PLEKHG5: variants seen among roughly 807,000 people sequenced by gnomAD.
PLEKHG5 encodes pleckstrin homology domain-containing family G member 5.
In PLEKHG5, 52 loss-of-function variants were observed where a neutral mutation model predicts 103.8. That is an observed-to-expected ratio of 0.50 (90% CI 0.40 to 0.63). The LOEUF (loss-of-function observed/expected upper bound fraction) is 0.63. Among genes scored for constraint, PLEKHG5 ranks in the 30% least tolerant of loss-of-function variants. The pLI is 0.00. For missense variants in PLEKHG5, 1,205 were observed against 1,347.6 expected (o/e 0.89, Z 1.66); for synonymous variants, 592 against 575.5 (o/e 1.03, Z -0.41).
rs540968169 is a variant in PLEKHG5 at position 6,490,105 on chromosome 1, G to A, written c.-88+1532C>T. 1.3e-5 allele frequency among the ~76,000 whole-genome samples: 2 copies of A among 152,134 alleles called. No homozygotes were observed. Among genetic ancestry groups the A allele is most frequent in the Non-Finnish European group, 2.9e-5 (2 of 68,012 alleles). ...CCGACTCCGGGACTGGCCAGATGGG[G>A]AGGATCGGCTGAGCCTCCCAGCCAC... On this transcript the variant is annotated intron_variant, in intron 1 of 20. Transcript: ENST00000377728. This position sits in a 1 kb window ranked among gnomAD's most constrained non-coding sequence, Gnocchi z 8.0.
rs1645004215 is a variant in PLEKHG5 at position 6,485,357 on chromosome 1, C to T, written c.-88+6280G>A. 4 of 1,425,364 alleles carry T rather than the reference C, an allele frequency of 2.8e-6. No individual in the cohort carries two copies. In the South Asian group the frequency reaches 4.3e-5, roughly 15 times the overall value. The allele number at this position is 1,425,364 out of a possible 1,614,324, so 88.3% of individuals were successfully genotyped here. On this transcript the variant is annotated intron_variant, in intron 1 of 20. Transcript: ENST00000377728. The stretch of plus-strand genomic sequence containing the variant: ...CACCGTCGCGGGCACGACCCCCGGC[C>T]CAGGAGGGCTCCGAGTCCCGGAGGG...
chr1:6,510,505 G>T (rs970527111), intron 1 of PLEKHG5, among the ~76,000 whole-genome samples: 3 of 152,116 alleles, frequency 2.0e-5, no homozygotes, highest in African/African-American at 7.2e-5. Context: ...GCAGAGAATT[G>T]CTTTAACCTG....
At chr1:6,471,887 T>A in intron 10 of PLEKHG5, 79 bp from the exon 11 acceptor site, 2 of 1,372,530 alleles carry the variant, frequency 1.5e-6, no homozygotes, top group African/African-American at 1.4e-5. Flanking sequence ...CAGGCTCCCC[T>A]GCCACTCCTT....
chr1:6,514,331 T>C (rs1638556213), intron 1 of PLEKHG5, among the ~76,000 whole-genome samples: 1 of 151,906 alleles, frequency 6.6e-6, no homozygotes, highest in African/African-American at 2.4e-5. Flanking sequence ...GGTATGCGCC[T>C]GTGGTCCCAG....
upstream of PLEKHG5, chr1:6,496,911 C>A: frequency 6.9e-7 from 1 of 1,456,724 alleles, no homozygotes; most frequent in South Asian, 1.4e-5. Context: ...CCCGGCAGGG[C>A]TGCTGGGGGG....
At chr1:6,476,250 G>A (rs1226737125) in intron 2 of PLEKHG5, among the ~76,000 whole-genome samples, 4 of 152,244 alleles carry the variant, frequency 2.6e-5, no homozygotes, top group Non-Finnish European at 5.9e-5. Flanking sequence ...GAGTGCAGTG[G>A]CATGATCTCG....
upstream of PLEKHG5, chr1:6,497,027 C>G (rs1297580458): frequency 3.3e-6 from 5 of 1,521,008 alleles, no homozygotes; most frequent in African/African-American, 2.8e-5. This position sits in a 1 kb window ranked among gnomAD's most constrained non-coding sequence, Gnocchi z 6.1. Flanking sequence ...TTCCCCAAGA[C>G]TCATCTTTGA....
intron 1 of PLEKHG5, among the ~76,000 whole-genome samples, chr1:6,508,303 A>T (rs967970481): frequency 6.6e-6 from 1 of 152,176 alleles, no homozygotes; most frequent in Admixed American, 6.5e-5. Context: ...CACACGGAGC[A>T]TCATCTTCTG....
intron 1 of PLEKHG5, among the ~76,000 whole-genome samples, chr1:6,514,919 A>G (rs1348805054): frequency 2.0e-5 from 3 of 151,544 alleles, no homozygotes; most frequent in Admixed American, 1.3e-4. Context: ...AATACAAAAA[A>G]TTAGCCAGGC....
chr1:6,507,853 C>T lies in PLEKHG5; in HGVS notation c.-164-11284G>A, dbSNP rs1569998500. Among the ~76,000 whole-genome samples, 7 of 152,324 alleles carry T rather than the reference C, an allele frequency of 4.6e-5. 1 individual carries two copies. Among genetic ancestry groups the T allele is most frequent in the Admixed American group, 4.6e-4 (7 of 15,310 alleles). The stretch of plus-strand genomic sequence containing the variant: ...CCCACACGACCTGGGCCTGAGCCCA[C>T]AGGAGCTGGGGGTGTCCCTGGCTCG... On this transcript the variant is annotated intron_variant, in intron 1 of 21. Transcript: ENST00000377740.
rs1383681839 is a variant in PLEKHG5, at chr1:6,487,327, C to G, written c.-88+4310G>C. Among the ~76,000 whole-genome samples the G allele has an allele frequency of 1.3e-5, 2 of 152,192 alleles. No individual in the cohort carries two copies. Among genetic ancestry groups the G allele is most frequent in the African/African-American group, 4.8e-5 (2 of 41,434 alleles). On this transcript the variant is annotated intron_variant, in intron 1 of 20. Coordinates refer to ENST00000377728, the MANE Select transcript of PLEKHG5 (RefSeq NM_020631.6). This position sits in a 1 kb window ranked among gnomAD's most constrained non-coding sequence, Gnocchi z 4.1. ...ATGGGGTTTCGCCATGTTGACCAGG[C>G]TGGTCACTAACTCCTGATCTCAAGT...
At chr1:6,483,505 A>G (rs1644950666) in intron 1 of PLEKHG5, among the ~76,000 whole-genome samples, 1 of 152,288 alleles carries the variant, frequency 6.6e-6, no homozygotes, top group Middle Eastern at 3.4e-3. Context: ...CTCTACAAAA[A>G]ACAAACAAAA....
Position 6,518,033 on chromosome 1 carries a change from C to A in PLEKHG5, c.-165+1412G>T, listed in dbSNP as rs574055284. 2.4e-3 allele frequency among the ~76,000 whole-genome samples: 362 copies of A among 152,144 alleles called. 3 individuals are homozygous for A. Among genetic ancestry groups the A allele is most frequent in the African/African-American group, 8.4e-3 (350 of 41,548 alleles). ...CTGCAAGCTCCGCCTCCCAGGTTCA[C>A]ACCATTCTCCTGCCTCAGCCTCCCG... On this transcript the variant is annotated intron_variant, in intron 1 of 21. Transcript: ENST00000377740.
intron 3 of PLEKHG5, 118 bp from the exon 4 acceptor site, chr1:6,475,640 G>T (rs528538881): frequency 1.7e-4 from 153 of 915,338 alleles, no homozygotes; most frequent in Non-Finnish European, 2.5e-4. Context: ...GGTAACCCGC[G>T]TGGATTCAAC....
At chr1:6,498,795 C>T (rs931880111), upstream of PLEKHG5, among the ~76,000 whole-genome samples, 5 of 152,248 alleles carry the variant, frequency 3.3e-5, no homozygotes, top group African/African-American at 1.2e-4. Flanking sequence ...TCATTTCCCT[C>T]TCCGAGTCTC....
intron 2 of PLEKHG5, 65 bp downstream of exon 2, chr1:6,477,464 G>A (rs1314814101): frequency 1.0e-5 from 16 of 1,556,242 alleles, no homozygotes; most frequent in Middle Eastern, 1.7e-4. Flanking sequence ...GCACGTTTCC[G>A]ACAGTTACTG....
chr1:6,474,551 A>G lies in PLEKHG5; in HGVS notation c.339T>C (p.Ile113=). The change falls in exon 6 of 21, where the codon ATT becomes ATC. Residue 113 remains isoleucine, a synonymous_variant. Coordinates refer to ENST00000377728, the MANE Select transcript of PLEKHG5 (RefSeq NM_020631.6). ...GGTAGATGTCCACTTTGCCCAGCGC[A>G]ATGCCCTTCCTTTCAAATACAGGCA... ...VLLPVFERKG[I]ALGKVDIYLD... is the part of the protein sequence containing the mutation. 2 of 1,613,796 alleles carry G rather than the reference A, an allele frequency of 1.2e-6. No individual in the cohort carries two copies. The highest frequency in any genetic ancestry group is 1.7e-6 in the Non-Finnish European group (2 of 1,179,948).
intron 1 of PLEKHG5, among the ~76,000 whole-genome samples, chr1:6,484,997 C>G (rs1026460492): frequency 4.6e-5 from 7 of 152,146 alleles, no homozygotes; most frequent in African/African-American, 1.7e-4. Context: ...GTGGGCAGGG[C>G]CAGGGCAGAG....
At position 6,484,045 on chromosome 1, in the gene PLEKHG5, G is replaced by A. The variant is rs554354731; in HGVS notation, c.-87-6387C>T. The stretch of plus-strand genomic sequence containing the variant: ...GGTAGGGGGTGACAAGGAAGGAGCC[G>A]TGCTAGGTCGGAGGAGTTCTGGGAG... On this transcript the variant is annotated intron_variant, in intron 1 of 20. Transcript: ENST00000377728. 1.4e-4 allele frequency among the ~76,000 whole-genome samples: 22 copies of A among 152,358 alleles called. No homozygotes were observed. The South Asian group carries it at 3.7e-3, about 26-fold the overall frequency.
Sources: gnomAD v4.1 joint callset for allele counts (sites outside exome capture counted in the v4.1 genomes callset) on GRCh38, gnomAD v4.1.1 for gene constraint, Gnocchi (gnomAD v3.1) non-coding constraint, MANE v1.5 for transcripts, NCBI Gene and HGNC (gene_info 2026-07-23, HGNC 2026-07-21) for gene names.